PLXNA4: variants seen among roughly 807,000 people sequenced by gnomAD.
The protein encoded by PLXNA4 is plexin-A4.
PLXNA4 carries 44 observed loss-of-function variants against 191.8 expected under a neutral mutation model. The observed-to-expected ratio is 0.23, with a 90% CI of 0.18 to 0.29. The LOEUF is 0.29. Among genes scored for constraint, PLXNA4 ranks in the 10% least tolerant of loss-of-function variants. The pLI, the probability that PLXNA4 is intolerant of heterozygous loss-of-function variation, is 1.00. For missense variants in PLXNA4, 1,800 were observed against 2,488.8 expected (o/e 0.72, Z 5.89); for synonymous variants, 1,082 against 1,009.5 (o/e 1.07, Z -1.36).
rs1801256626 is a variant in PLXNA4 at position 132,562,564 on chromosome 7, CCTTTCTCCTCCTCCTTGTCTTCCT to C, written c.-87+13834_-87+13857del. ...TTCTCCTCCTCCTCCTTCTCTTCCT[CCTTTCTCCTCCTCCTTGTCTTCCT>C]CTTTCTCCTCCTCCTCCTCCTTCTC... is the stretch of plus-strand genomic sequence containing the variant. On this transcript the variant is annotated intron_variant, in intron 1 of 31. Coordinates refer to ENST00000321063, the MANE Select transcript of PLXNA4 (RefSeq NM_020911.2). 6.6e-5 allele frequency among the ~76,000 whole-genome samples: 8 copies of C among 120,688 alleles called. No individual in the cohort carries two copies. The South Asian group carries it at 2.4e-3, about 37-fold the overall frequency. 79.2% of individuals were successfully genotyped at this position (120,688 alleles called of 152,430 possible). A position where few individuals can be genotyped will look rare whatever the true frequency, so the allele number is the denominator to read the frequency against.
intron 3 of PLXNA4, among the ~76,000 whole-genome samples, chr7:132,386,093 G>C (rs1321343490): frequency 6.6e-6 from 1 of 152,174 alleles, no homozygotes; most frequent in Admixed American, 6.5e-5. Context: ...CAGCTCAGAA[G>C]GGGGGAATAT....
At chr7:132,483,451 T>G (rs866935863) in intron 3 of PLXNA4, among the ~76,000 whole-genome samples, 1 of 152,244 alleles carries the variant, frequency 6.6e-6, no homozygotes, top group African/African-American at 2.4e-5. Context: ...CTTGGTTACA[T>G]GGCCAGACTC....
chr7:132,129,929 C>T lies in PLXNA4; in HGVS notation c.*550G>A, dbSNP rs978737242. ...ACATGCAGGAGGTGTAGCCTTTCTT[C>T]TCACAGCTGCAAAGCGATCAGACCA... On this transcript the variant is annotated 3_prime_UTR_variant, in exon 32 of 32. Coordinates refer to ENST00000321063, the MANE Select transcript of PLXNA4 (RefSeq NM_020911.2). The T allele has an allele frequency of 1.9e-5, 3 of 156,922 alleles. No homozygotes were observed. The highest frequency in any genetic ancestry group is 4.3e-5 in the Non-Finnish European group (3 of 70,502). 9.7% of individuals were successfully genotyped at this position (156,922 alleles called of 1,614,324 possible). A position where few individuals can be genotyped will look rare whatever the true frequency, so the allele number is the denominator to read the frequency against.
chr7:132,584,842 C>CA (rs911596838), intron 2 of PLXNA4, among the ~76,000 whole-genome samples: 6 of 151,820 alleles, frequency 4.0e-5, no homozygotes, highest in African/African-American at 1.2e-4. Context: ...TGAAAATGAA[C>CA]AAAAAAAACT....
intron 1 of PLXNA4, among the ~76,000 whole-genome samples, chr7:132,531,765 C>G (rs1799623934): frequency 6.6e-6 from 1 of 152,326 alleles, no homozygotes; most frequent in Admixed American, 6.5e-5. Flanking sequence ...TCAGAATCAC[C>G]TGAGTGCATT....
chr7:132,333,747 C>T (rs1802691449), intron 3 of PLXNA4, among the ~76,000 whole-genome samples: 1 of 152,164 alleles, frequency 6.6e-6, no homozygotes, highest in Non-Finnish European at 1.5e-5. Context: ...TGAGGAAAAT[C>T]AGCTCCGGGC....
At chr7:132,506,959 C>T (rs539527343) in intron 2 of PLXNA4, among the ~76,000 whole-genome samples, 1 of 152,334 alleles carries the variant, frequency 6.6e-6, no homozygotes, top group East Asian at 1.9e-4. Context: ...CCTGACTGTG[C>T]TCTCATTTTA....
intron 2 of PLXNA4, among the ~76,000 whole-genome samples, chr7:132,594,936 TAGA>T (rs1284846361): frequency 6.8e-6 from 1 of 146,100 alleles, no homozygotes; most frequent in Admixed American, 6.8e-5. Flanking sequence ...GATAGATAGA[TAGA>T]TAGATAGATA....
At chr7:132,200,795 C>A (rs558093704) in intron 12 of PLXNA4, among the ~76,000 whole-genome samples, 1 of 152,194 alleles carries the variant, frequency 6.6e-6, no homozygotes, top group Admixed American at 6.5e-5. Context: ...GAACAATAAC[C>A]TAGGAGAACA....
At chr7:132,220,810 C>CTTTT (rs35090579) in intron 9 of PLXNA4, among the ~76,000 whole-genome samples, 2 of 100,792 alleles carry the variant, frequency 2.0e-5, no homozygotes, top group Non-Finnish European at 1.9e-5. Context: ...TTATTTTATT[C>CTTTT]TTTTTTTTTT....
At chr7:132,135,138 T>C (rs1022074704) in intron 30 of PLXNA4, among the ~76,000 whole-genome samples, 3 of 152,230 alleles carry the variant, frequency 2.0e-5, no homozygotes, top group Non-Finnish European at 4.4e-5. Flanking sequence ...AGGGATCCCA[T>C]GTCTACCAAG....
rs564085342 is a variant in PLXNA4 at position 132,146,681 on chromosome 7, C to G, written c.4884G>C (p.Thr1628=). The change falls in exon 28 of 32, where the codon ACG becomes ACC. Residue 1628 remains threonine (T), a synonymous_variant. Transcript: ENST00000321063. ...ASKYENMIRY[T]GSPDSLRSRT... ...GTGAGCGGAGGCTGTCGGGGCTGCC[C>G]GTGTACCGGATCATGTTTTCTGCCA... 2.7e-5 allele frequency: 43 copies of G among 1,614,036 alleles called. No individual in the cohort carries two copies. The highest frequency in any genetic ancestry group is 2.0e-4 in the Admixed American group (12 of 60,012).
chr7:132,609,386 C>T (rs904029678), intron 2 of PLXNA4, among the ~76,000 whole-genome samples: 1 of 152,096 alleles, frequency 6.6e-6, no homozygotes, highest in African/African-American at 2.4e-5. Context: ...AGAGTAAAAG[C>T]CTCATCCTTC....
intron 10 of PLXNA4, among the ~76,000 whole-genome samples, chr7:132,205,947 G>T (rs1445642933): frequency 6.6e-6 from 1 of 152,212 alleles, no homozygotes; most frequent in Non-Finnish European, 1.5e-5. Flanking sequence ...ACATACATAT[G>T]CATGTGAGCA....
At chr7:132,547,021 A>G (rs985155941) in intron 1 of PLXNA4, among the ~76,000 whole-genome samples, 8 of 152,202 alleles carry the variant, frequency 5.3e-5, no homozygotes, top group Non-Finnish European at 1.0e-4. Context: ...AAATACATCT[A>G]TGTTTTAAAT....
intron 1 of PLXNA4, among the ~76,000 whole-genome samples, chr7:132,556,435 T>G (rs1300537687): frequency 6.6e-6 from 1 of 152,212 alleles, no homozygotes; most frequent in East Asian, 1.9e-4. Context: ...TATTGGTAGG[T>G]AGGGTAGAAT....
At chr7:132,277,720 C>A (rs1028708126) in intron 4 of PLXNA4, among the ~76,000 whole-genome samples, 3 of 152,136 alleles carry the variant, frequency 2.0e-5, no homozygotes, top group African/African-American at 7.2e-5. Context: ...TGGTTCTTAC[C>A]CCTTTTCTTC....
At chr7:132,531,481 C>T (rs994967876) in intron 1 of PLXNA4, among the ~76,000 whole-genome samples, 11 of 152,232 alleles carry the variant, frequency 7.2e-5, no homozygotes, top group African/African-American at 1.9e-4. Flanking sequence ...TCACAGAGAG[C>T]AGGAAATCTG....
chr7:132,188,435 T>G (rs1240373802), intron 14 of PLXNA4, among the ~76,000 whole-genome samples: 1 of 152,180 alleles, frequency 6.6e-6, no homozygotes, highest in Non-Finnish European at 1.5e-5. Flanking sequence ...ACCTCCTCCT[T>G]AAAGAATTCA....
Sources: gnomAD v4.1 joint callset for allele counts (sites outside exome capture counted in the v4.1 genomes callset) on GRCh38, gnomAD v4.1.1 for gene constraint, MANE v1.5 for transcripts, NCBI Gene and HGNC (gene_info 2026-07-23, HGNC 2026-07-21) for gene names.